FICD: variants seen among roughly 807,000 people sequenced by gnomAD.
The protein encoded by FICD is protein adenylyltransferase FICD.
A neutral mutation model predicts 28.0 loss-of-function variants in FICD; 13 were observed. The ratio of observed to expected loss-of-function variants is 0.46; its 90% CI spans 0.30 to 0.74. The LOEUF (loss-of-function observed/expected upper bound fraction) is 0.74. FICD is among the 30% of genes least tolerant of loss of function. The pLI is 0.07. For missense variants in FICD, 576 were observed against 624.5 expected, an observed-to-expected ratio of 0.92 and a Z score of 0.83; for synonymous variants, 268 against 266.4, an observed-to-expected ratio of 1.01 and a Z score of -0.06.
At position 108,516,927 on chromosome 12, in the gene FICD, C is replaced by G. The variant is rs138159681; in HGVS notation, c.-46C>G. On this transcript the variant is annotated 5_prime_UTR_variant, in exon 2 of 3. Coordinates refer to ENST00000552695, the MANE Select transcript of FICD (RefSeq NM_007076.3). Reference sequence around the variant, plus strand: ...TGGCTCCTTGCAGATCCTGCTCTCTCTCAGCCGCCTGTGGACATGCGCAAA... The same window carrying G: ...TGGCTCCTTGCAGATCCTGCTCTCTGTCAGCCGCCTGTGGACATGCGCAAA... 4.2e-6 allele frequency: 6 copies of G among 1,429,190 alleles called. No individual in the cohort carries two copies. The highest frequency in any genetic ancestry group is 5.6e-6 in the Non-Finnish European group (6 of 1,076,462). 88.5% of individuals were successfully genotyped at this position (1,429,190 alleles called of 1,614,324 possible).
Position 108,519,290 on chromosome 12 carries a change from G to A in FICD, c.1192G>A (p.Asp398Asn), listed in dbSNP as rs534768022. ...CACCATCCGCAAGGAGCAGCGGTCC[G>A]ACTACTACCACGTGTTGGAAGCTGC... Reference protein sequence around the residue: ...PITIRKEQRSDYYHVLEAANE... With the variant: ...PITIRKEQRSNYYHVLEAANE... Residue 398 changes from aspartate to asparagine, a missense_variant, in exon 3 of 3, where the codon GAC (aspartate) becomes AAC (asparagine). Transcript: ENST00000552695. The surrounding 1 kb of genome is among the most constrained non-coding windows in gnomAD (Gnocchi z 4.5). 258 of 1,614,238 alleles carry A rather than the reference G, an allele frequency of 1.6e-4. 2 individuals carry two copies. In the South Asian group the frequency reaches 2.0e-3, roughly 13 times the overall value.
At chr12:108,516,053 C>G (rs1357976038) in intron 1 of FICD, among the ~76,000 whole-genome samples, 1 of 152,202 alleles carries the variant, frequency 6.6e-6, no homozygotes, top group Non-Finnish European at 1.5e-5. Flanking sequence ...CCTAGGACAC[C>G]ATAGTTGCTT....
chr12:108,519,441 C>T lies in FICD; in HGVS notation c.1343C>T (p.Ser448Phe), dbSNP rs35740336. The change falls in exon 3 of 3, where the codon TCT becomes TTT. Residue 448 changes from serine to phenylalanine, a missense_variant. By Grantham distance (155) the Ser-to-Phe change is radical. Coordinates refer to ENST00000552695, the MANE Select transcript of FICD (RefSeq NM_007076.3). This position sits in a 1 kb window ranked among gnomAD's most constrained non-coding sequence, Gnocchi z 4.5. ...VALPEAQPNH[S>F]GFKETLPVKP ...CTGCCAGAAGCCCAACCCAACCACT[C>T]TGGGTTCAAGGAGACGCTTCCTGTG... 1.1e-5 allele frequency: 17 copies of T among 1,613,712 alleles called. No homozygotes were observed. The East Asian group carries it at 3.8e-4, about 36-fold the overall frequency.
At position 108,520,378 on chromosome 12, in the gene FICD, AG is replaced by A. The variant is rs1385005716; in HGVS notation, c.*904del. On this transcript the variant is annotated 3_prime_UTR_variant, in exon 3 of 3. Transcript: ENST00000552695. ...TTTTCTGTAGGCAGATGTTAACCTGAGAAAACAAGTGCCATGTGGACACCAA... is the reference window on the plus strand; with the variant it reads ...TTTTCTGTAGGCAGATGTTAACCTGAAAAACAAGTGCCATGTGGACACCAA... The A allele has an allele frequency of 6.6e-6, 1 of 152,160 alleles. No homozygotes were observed. Among genetic ancestry groups the A allele is most frequent in the Non-Finnish European group, 1.5e-5 (1 of 68,024 alleles). The allele number at this position is 152,160 out of a possible 1,614,324, so 9.4% of individuals were successfully genotyped here.
At chr12:108,517,937 C>G (rs1871960131) in intron 2 of FICD, among the ~76,000 whole-genome samples, 1 of 152,154 alleles carries the variant, frequency 6.6e-6, no homozygotes, top group Non-Finnish European at 1.5e-5. Flanking sequence ...TTGACGCCCC[C>G]AGGGTCTAGG....
rs764699967 is a variant in FICD, at chr12:108,518,860, C to T, written c.762C>T (p.Pro254=). The T allele has an allele frequency of 2.0e-5, 32 of 1,613,962 alleles. No homozygotes were observed. The highest frequency in any genetic ancestry group is 2.5e-5 in the Non-Finnish European group (30 of 1,180,016). Residue 254 remains proline (P), a synonymous_variant, in exon 3 of 3, where the codon CCC becomes CCT. Coordinates refer to ENST00000552695, the MANE Select transcript of FICD (RefSeq NM_007076.3). The surrounding 1 kb of genome is among the most constrained non-coding windows in gnomAD (Gnocchi z 4.4). ...RHILETRYAV[P]GKSLEEQNEV... ...TCCTGGAGACCCGCTACGCCGTGCC[C>T]GGGAAGAGCCTGGAGGAGCAGAACG... is the stretch of plus-strand genomic sequence containing the variant.
In FICD at chr12:108,519,600, GTTT is replaced by G. The variant is rs5800830; in HGVS notation, c.*127_*129del. The G allele has an allele frequency of 5.9e-6, 3 of 505,208 alleles. No individual in the cohort carries two copies. The highest frequency in any genetic ancestry group is 1.0e-5 in the Non-Finnish European group (3 of 293,470). The allele number at this position is 505,208 out of a possible 1,614,324, so 31.3% of individuals were successfully genotyped here. A position where few individuals can be genotyped will look rare whatever the true frequency, so the allele number is the denominator to read the frequency against. On this transcript the variant is annotated 3_prime_UTR_variant, in exon 3 of 3. Transcript: ENST00000552695. This position sits in a 1 kb window ranked among gnomAD's most constrained non-coding sequence, Gnocchi z 4.5. ...ACATTCTTTACCTCCAAATGTTTTA[GTTT>G]TAAAAAAAAAAAAAAACTAAGTTAT...
Position 108,517,105 on chromosome 12 carries a change from G to A in FICD, c.133G>A (p.Gly45Arg). Residue 45 changes from glycine to arginine, a missense_variant, in exon 2 of 3, where the codon GGG becomes AGG. By Grantham distance (125) the Gly-to-Arg change is moderately radical. Transcript: ENST00000552695. ...GSLLALLLPL[G>R]AVEEQCLAVL... ...CCTGCTGGCCCTGCTGCTGCCGCTG[G>A]GGGCTGTGGAGGAGCAGTGCTTGGC... 6.2e-7 allele frequency: 1 copy of A among 1,610,276 alleles called. No individual in the cohort carries two copies. The highest frequency in any genetic ancestry group is 8.5e-7 in the Non-Finnish European group (1 of 1,178,198).
rs757676830 is a variant in FICD at position 108,518,862 on chromosome 12, G to T, written c.764G>T (p.Gly255Val). The T allele has an allele frequency of 1.9e-6, 3 of 1,614,164 alleles. No homozygotes were observed. The highest frequency in any genetic ancestry group is 2.5e-6 in the Non-Finnish European group (3 of 1,180,036). ...CTGGAGACCCGCTACGCCGTGCCCG[G>T]GAAGAGCCTGGAGGAGCAGAACGAG... The part of the protein sequence containing the change: ...HILETRYAVP[G>V]KSLEEQNEVI... The change falls in exon 3 of 3, where the codon GGG becomes GTG. Residue 255 changes from glycine to valine, a missense_variant. Coordinates refer to ENST00000552695, the MANE Select transcript of FICD (RefSeq NM_007076.3). This position sits in a 1 kb window ranked among gnomAD's most constrained non-coding sequence, Gnocchi z 4.4.
Position 108,520,085 on chromosome 12 carries a change from CTG to C in FICD, c.*612_*613del. 3.8e-5 allele frequency: 3 copies of C among 79,224 alleles called. 1 individual carries two copies. Among genetic ancestry groups the C allele is most frequent in the South Asian group, 1.1e-3 (2 of 1,794 alleles). The allele number at this position is 79,224 out of a possible 1,614,324, so 4.9% of individuals were successfully genotyped here. Reference sequence around the variant, plus strand: ...AGTTTGCAAACTTTAGTGCCAGCAGCTGTTTTTTTTTTTTTTTTTTTCATATT... The same window carrying C: ...AGTTTGCAAACTTTAGTGCCAGCAGCTTTTTTTTTTTTTTTTTTTCATATT... On this transcript the variant is annotated 3_prime_UTR_variant, in exon 3 of 3. Coordinates refer to ENST00000552695, the MANE Select transcript of FICD (RefSeq NM_007076.3).
chr12:108,517,197 C>G lies in FICD; in HGVS notation c.225C>G (p.Cys75Trp), dbSNP rs1249799210. The G allele has an allele frequency of 6.3e-7, 1 of 1,590,536 alleles. No individual in the cohort carries two copies. Residue 75 changes from cysteine to tryptophan, a missense_variant, in exon 2 of 3, where the codon TGC becomes TGG. By Grantham distance (215) the Cys-to-Trp change is radical (BLOSUM62 -2). Coordinates refer to ENST00000552695, the MANE Select transcript of FICD (RefSeq NM_007076.3). ...GGGCGCAGCATGCCGCCACCAAGTG[C>G]ACCAGCCCGTCCACGGAGCTCAGCA... ...PDRAQHAATKCTSPSTELSIT... is the reference protein window; with the variant it reads ...PDRAQHAATKWTSPSTELSIT...
Position 108,518,939 on chromosome 12 carries a change from C to T in FICD, c.841C>T (p.Arg281Cys), listed in dbSNP as rs201680778. 24 of 1,614,184 alleles carry T rather than the reference C, an allele frequency of 1.5e-5. No individual in the cohort carries two copies. The highest frequency in any genetic ancestry group is 8.0e-5 in the African/African-American group (6 of 75,058). ...GTACATCAACACGACTCTGGTTTCG[C>T]GCATCGGCTCCGTCACCATCAGCGA... ...MKYINTTLVSRIGSVTISDVL... is the reference protein window; with the variant it reads ...MKYINTTLVSCIGSVTISDVL... The change falls in exon 3 of 3, where the codon CGC becomes TGC. Residue 281 changes from arginine (R) to cysteine (C), a missense_variant. Coordinates refer to ENST00000552695, the MANE Select transcript of FICD (RefSeq NM_007076.3). The surrounding 1 kb of genome is among the most constrained non-coding windows in gnomAD (Gnocchi z 4.4).
In FICD at chr12:108,519,296, T is replaced by C. The variant is rs148414018; in HGVS notation, c.1198T>C (p.Tyr400His). 391 of 1,614,240 alleles carry C rather than the reference T, an allele frequency of 2.4e-4. No homozygotes were observed. Among genetic ancestry groups the C allele is most frequent in the African/African-American group, 6.8e-4 (51 of 75,060 alleles). ...CCGCAAGGAGCAGCGGTCCGACTACTACCACGTGTTGGAAGCTGCCAACGA... is the reference window on the plus strand; with the variant it reads ...CCGCAAGGAGCAGCGGTCCGACTACCACCACGTGTTGGAAGCTGCCAACGA... The part of the protein sequence containing the change: ...TIRKEQRSDY[Y>H]HVLEAANEGD... The change falls in exon 3 of 3, where the codon TAC (tyrosine) becomes CAC (histidine). Residue 400 changes from tyrosine (Y) to histidine (H), a missense_variant. Transcript: ENST00000552695. The surrounding 1 kb of genome is among the most constrained non-coding windows in gnomAD (Gnocchi z 4.5).
Position 108,518,403 on chromosome 12 carries a change from G to T in FICD, c.305G>T (p.Gly102Val). ...LVAKTKASPA[G>V]KLEARAALNQ... ...CGCTTCTTTGGCTCTCTTCCAGCGG[G>T]TAAGTTGGAAGCCAGAGCTGCCCTG... The change falls in exon 3 of 3, where the codon GGT (glycine) becomes GTT (valine). Residue 102 changes from glycine (G) to valine (V), a missense_variant. Transcript: ENST00000552695. This position sits in a 1 kb window ranked among gnomAD's most constrained non-coding sequence, Gnocchi z 4.4. The T allele has an allele frequency of 6.2e-7, 1 of 1,613,512 alleles. No individual in the cohort carries two copies. Among genetic ancestry groups the T allele is most frequent in the Non-Finnish European group, 8.5e-7 (1 of 1,179,498 alleles).
In FICD at chr12:108,519,843, C is replaced by T. The variant is rs1872047456; in HGVS notation, c.*368C>T. ...AGAGGTGTGGGACGGGGCCCAGAGCCACTGACATAACTCCTCCAAGTGCTT... is the reference window on the plus strand; with the variant it reads ...AGAGGTGTGGGACGGGGCCCAGAGCTACTGACATAACTCCTCCAAGTGCTT... On this transcript the variant is annotated 3_prime_UTR_variant, in exon 3 of 3. Coordinates refer to ENST00000552695, the MANE Select transcript of FICD (RefSeq NM_007076.3). The surrounding 1 kb of genome is among the most constrained non-coding windows in gnomAD (Gnocchi z 4.5). 1 of 172,370 alleles carries T rather than the reference C, an allele frequency of 5.8e-6. No individual in the cohort carries two copies. The highest frequency in any genetic ancestry group is 1.2e-5 in the Non-Finnish European group (1 of 81,556). The allele number at this position is 172,370 out of a possible 1,614,324, so 10.7% of individuals were successfully genotyped here.
Position 108,518,985 on chromosome 12 carries a change from G to A in FICD, c.887G>A (p.Arg296Gln), listed in dbSNP as rs772294483. The A allele has an allele frequency of 1.1e-5, 18 of 1,614,052 alleles. No homozygotes were observed. The highest frequency in any genetic ancestry group is 5.3e-5 in the African/African-American group (4 of 74,934). The change falls in exon 3 of 3, where the codon CGG becomes CAG. Residue 296 changes from arginine to glutamine, a missense_variant. By Grantham distance (43) the Arg-to-Gln change is conservative (BLOSUM62 1). Transcript: ENST00000552695. The surrounding 1 kb of genome is among the most constrained non-coding windows in gnomAD (Gnocchi z 4.4). ...AGCGACGTGCTGGAGATCCACAGGC[G>A]GGTGCTGGGCTACGTGGACCCCGTG... ...TISDVLEIHR[R>Q]VLGYVDPVEA...
rs943717001 is a variant in FICD at position 108,519,928 on chromosome 12, C to A, written c.*453C>A. ...CTGGGAAGTCAGACCCAAGTCGCAGCTGAGAGAAATGGTTGAAAGCTCACT... is the reference window on the plus strand; with the variant it reads ...CTGGGAAGTCAGACCCAAGTCGCAGATGAGAGAAATGGTTGAAAGCTCACT... On this transcript the variant is annotated 3_prime_UTR_variant, in exon 3 of 3. Transcript: ENST00000552695. The surrounding 1 kb of genome is among the most constrained non-coding windows in gnomAD (Gnocchi z 4.5). 2 of 154,486 alleles carry A rather than the reference C, an allele frequency of 1.3e-5. No homozygotes were observed. Among genetic ancestry groups the A allele is most frequent in the Non-Finnish European group, 1.4e-5 (1 of 69,758 alleles). 9.6% of individuals were successfully genotyped at this position (154,486 alleles called of 1,614,324 possible). A position where few individuals can be genotyped will look rare whatever the true frequency, so the allele number is the denominator to read the frequency against.
chr12:108,518,557 CA>C lies in FICD; in HGVS notation c.461del (p.Lys154ArgfsTer14). The C allele has an allele frequency of 1.9e-6, 3 of 1,614,220 alleles. No individual in the cohort carries two copies. The highest frequency in any genetic ancestry group is 2.5e-6 in the Non-Finnish European group (3 of 1,180,038). On this transcript the variant is annotated frameshift_variant, in exon 3 of 3. Coordinates refer to ENST00000552695, the MANE Select transcript of FICD (RefSeq NM_007076.3). LOFTEE classifies it high-confidence loss of function. The surrounding 1 kb of genome is among the most constrained non-coding windows in gnomAD (Gnocchi z 4.4). ...TEFGIFSEED[K>X]DIIQADYLYT... ...AGTTTGGCATCTTCTCGGAAGAAGA[CA>C]AGGACATCATCCAGGCGGACTACTT...
Position 108,519,530 on chromosome 12 carries a change from A to G in FICD, c.*55A>G. On this transcript the variant is annotated 3_prime_UTR_variant, in exon 3 of 3. Coordinates refer to ENST00000552695, the MANE Select transcript of FICD (RefSeq NM_007076.3). The surrounding 1 kb of genome is among the most constrained non-coding windows in gnomAD (Gnocchi z 4.5). Reference sequence around the variant, plus strand: ...CCTGAGGTAGGAAAAAAAAAAAGAAACAGCATTTCTAGAAACCTAGTCACT... The same window carrying G: ...CCTGAGGTAGGAAAAAAAAAAAGAAGCAGCATTTCTAGAAACCTAGTCACT... 1 of 1,166,862 alleles carries G rather than the reference A, an allele frequency of 8.6e-7. No homozygotes were observed. The highest frequency in any genetic ancestry group is 1.2e-6 in the Non-Finnish European group (1 of 839,056). The allele number at this position is 1,166,862 out of a possible 1,614,324, so 72.3% of individuals were successfully genotyped here. A position where few individuals can be genotyped will look rare whatever the true frequency, so the allele number is the denominator to read the frequency against.
Sources: allele counts gnomAD v4.1 joint callset (sites outside exome capture counted in the v4.1 genomes callset), GRCh38; gene constraint gnomAD v4.1.1; non-coding constraint Gnocchi (gnomAD v3.1); transcripts MANE v1.5; gene names NCBI Gene and HGNC (gene_info 2026-07-23, HGNC 2026-07-21).